IGSF11: variants seen among roughly 807,000 people sequenced by gnomAD.
IGSF11 encodes CXADR like 1.
Under a neutral mutation model 41.0 loss-of-function variants are expected in IGSF11, and 22 were observed. That is an observed-to-expected ratio of 0.54 (90% CI 0.38 to 0.77). The LOEUF (loss-of-function observed/expected upper bound fraction) is 0.77. Ranked by LOEUF, IGSF11 falls within the 30% of genes least tolerant of loss-of-function variation. The pLI is 0.00. For missense variants in IGSF11, 444 were observed against 530.8 expected (o/e 0.84, Z 1.61); for synonymous variants, 219 against 201.3 (o/e 1.09, Z -0.74).
At chr3:119,059,455 A>G (rs1941984276) in intron 1 of IGSF11, among the ~76,000 whole-genome samples, 1 of 152,222 alleles carries the variant, frequency 6.6e-6, no homozygotes. Flanking sequence ...CATTGGGTTC[A>G]GTGTACACTG....
chr3:119,033,981 G>A (rs565415376), intron 1 of IGSF11, among the ~76,000 whole-genome samples: 1 of 152,178 alleles, frequency 6.6e-6, no homozygotes, highest in African/African-American at 2.4e-5. Context: ...AAGTCCTTTG[G>A]AGATGAAGCT....
chr3:119,114,961 T>C (rs192162115), intron 1 of IGSF11, among the ~76,000 whole-genome samples: 21 of 152,278 alleles, frequency 1.4e-4, no homozygotes, highest in Non-Finnish European at 2.8e-4. Context: ...ATGTCCTACA[T>C]GGCTGGAGCA....
chr3:119,136,700 C>T (rs1377042545), intron 1 of IGSF11, among the ~76,000 whole-genome samples: 1 of 152,056 alleles, frequency 6.6e-6, no homozygotes, highest in African/African-American at 2.4e-5. Flanking sequence ...AAATAAACCC[C>T]AGTACATTAA....
chr3:119,101,465 T>C (rs1024164083), intron 1 of IGSF11, among the ~76,000 whole-genome samples: 4 of 151,748 alleles, frequency 2.6e-5, no homozygotes, highest in Admixed American at 2.0e-4. Flanking sequence ...GCCGAGATCA[T>C]CCCATCCCGC....
intron 1 of IGSF11, among the ~76,000 whole-genome samples, chr3:119,032,455 C>G (rs1940495388): frequency 6.6e-6 from 1 of 152,188 alleles, no homozygotes; most frequent in South Asian, 2.1e-4. Context: ...AACTGAACAT[C>G]AGTACTTTTT....
At chr3:118,932,646 T>C (rs1341021195) in intron 1 of IGSF11, among the ~76,000 whole-genome samples, 1 of 152,172 alleles carries the variant, frequency 6.6e-6, no homozygotes, top group African/African-American at 2.4e-5. Flanking sequence ...GAGCAGGCAA[T>C]GAACAGAATG....
chr3:119,123,277 G>C (rs984580048), intron 1 of IGSF11, among the ~76,000 whole-genome samples: 1 of 152,188 alleles, frequency 6.6e-6, no homozygotes, highest in African/African-American at 2.4e-5. Flanking sequence ...TAAAGAGGAG[G>C]GAAGAATGGG....
Position 118,901,423 on chromosome 3 carries a change from GA to G in IGSF11, c.*1096del, listed in dbSNP as rs1938841286. 1 of 151,596 alleles carries G rather than the reference GA, an allele frequency of 6.6e-6. No individual in the cohort carries two copies. Among genetic ancestry groups the G allele is most frequent in the Non-Finnish European group, 1.5e-5 (1 of 67,982 alleles). 9.4% of individuals were successfully genotyped at this position (151,596 alleles called of 1,614,324 possible). A position where few individuals can be genotyped will look rare whatever the true frequency, so the allele number is the denominator to read the frequency against. On this transcript the variant is annotated 3_prime_UTR_variant, in exon 7 of 7. Coordinates refer to ENST00000393775, the MANE Select transcript of IGSF11 (RefSeq NM_001015887.3). ...TGCAAAAAGCATTATTTTGAAAAAC[GA>G]AACAGAACAAAAAAACGTCTGCCCT...
Position 119,042,996 on chromosome 3 carries a change from G to A in IGSF11, c.49+62148C>T, listed in dbSNP as rs889313103. Among the ~76,000 whole-genome samples the A allele has an allele frequency of 4.6e-5, 7 of 152,278 alleles. 1 individual carries two copies. The highest frequency in any genetic ancestry group is 1.7e-4 in the African/African-American group (7 of 41,550). ...TCTGACCTGGGGTTCTTGGCCTAAC[G>A]GATTCCAGGGAATGGAATCTTGGCT... On this transcript the variant is annotated intron_variant, in intron 1 of 6. Transcript: ENST00000354673.
At chr3:118,903,105 T>C (rs147109261) in intron 6 of IGSF11, 144 bp from the exon 7 acceptor site, 19 of 729,448 alleles carry the variant, frequency 2.6e-5, no homozygotes, top group South Asian at 1.2e-4. Context: ...AAAGCAGGCA[T>C]GGCAACCCTG....
At chr3:118,914,244 G>A (rs575759108) in intron 4 of IGSF11, among the ~76,000 whole-genome samples, 76 of 152,200 alleles carry the variant, frequency 5.0e-4, no homozygotes, top group African/African-American at 1.4e-3. Context: ...ATAGAAAATC[G>A]GGGAGGAGCC....
At chr3:119,071,204 C>T (rs1456036291) in intron 1 of IGSF11, among the ~76,000 whole-genome samples, 1 of 152,140 alleles carries the variant, frequency 6.6e-6, no homozygotes, top group Non-Finnish European at 1.5e-5. Flanking sequence ...AGATAAGAGG[C>T]AAAATGGGCA....
chr3:118,991,988 T>C (rs946476904), intron 1 of IGSF11, among the ~76,000 whole-genome samples: 2 of 152,230 alleles, frequency 1.3e-5, no homozygotes, highest in African/African-American at 4.8e-5. Context: ...TCATTGATAA[T>C]AGTGACTACG....
intron 1 of IGSF11, among the ~76,000 whole-genome samples, chr3:119,128,408 G>A (rs2077433546): frequency 6.6e-6 from 1 of 151,472 alleles, no homozygotes; most frequent in South Asian, 2.1e-4. Flanking sequence ...GAGAAAGGAA[G>A]GAAAAGAAAA....
intron 1 of IGSF11, among the ~76,000 whole-genome samples, chr3:119,002,316 G>T (rs1936983590): frequency 6.7e-6 from 1 of 150,136 alleles, no homozygotes; most frequent in Admixed American, 6.6e-5. Context: ...TTTTGATGGG[G>T]TTGTTTGTTT....
At chr3:119,051,153 TAATAAATAAATA>T (rs200702102) in intron 1 of IGSF11, among the ~76,000 whole-genome samples, 16 of 149,096 alleles carry the variant, frequency 1.1e-4, no homozygotes, top group African/African-American at 3.4e-4. Flanking sequence ...TAATAATAAT[TAATAAATAAATA>T]AATAAATAAA....
In IGSF11 at chr3:118,951,771, A is replaced by T. The variant is rs925457286; in HGVS notation, c.53-21496T>A. Among the ~76,000 whole-genome samples the T allele has an allele frequency of 2.0e-5, 3 of 152,180 alleles. No individual in the cohort carries two copies. In the East Asian group the frequency reaches 5.8e-4, roughly 29 times the overall value. On this transcript the variant is annotated intron_variant, in intron 1 of 6. Coordinates refer to ENST00000393775, the MANE Select transcript of IGSF11 (RefSeq NM_001015887.3). ...GTAACCTACAAATATTCTCTCAAAT[A>T]CCTTAAATCATCTCTAGATTACATA...
rs762080006 is a variant in IGSF11 at position 118,928,548 on chromosome 3, C to G, written c.385G>C (p.Gly129Arg). The G allele has an allele frequency of 2.5e-6, 4 of 1,613,528 alleles. No individual in the cohort carries two copies. The highest frequency in any genetic ancestry group is 3.4e-6 in the Non-Finnish European group (4 of 1,179,966). Residue 129 changes from glycine to arginine, a missense_variant, in exon 3 of 7, where the codon GGG (glycine) becomes CGG (arginine). By Grantham distance (125) the Gly-to-Arg change is moderately radical (BLOSUM62 -2). This residue lies in a region of IGSF11 where 193 missense variants were observed against 283.5 expected (regional missense o/e 0.68). Coordinates refer to ENST00000393775, the MANE Select transcript of IGSF11 (RefSeq NM_001015887.3). ...QCLVNNLPDI[G>R]GRNIGVTGLT... ...CCGGTGACCCCAATGTTCCTGCCCC[C>G]TATGTCTGGAAGGTTGTTGACCAGG... is the stretch of plus-strand genomic sequence containing the variant.
At chr3:119,025,911 C>G (rs1385171260) in intron 1 of IGSF11, among the ~76,000 whole-genome samples, 1 of 152,102 alleles carries the variant, frequency 6.6e-6, no homozygotes. Flanking sequence ...TTATGGCATA[C>G]TTGCTATGAA....
Sources: allele counts gnomAD v4.1 joint callset (sites outside exome capture counted in the v4.1 genomes callset), GRCh38; gene constraint gnomAD v4.1.1; regional missense constraint gnomAD v4.1.1; transcripts MANE v1.5; gene names NCBI Gene and HGNC (gene_info 2026-07-23, HGNC 2026-07-21).